Variants in UGT2A1 observed in about 807,000 individuals in gnomAD.
UGT2A1 encodes the protein UDP glucuronosyltransferase family 2 member A1 complex locus.
In UGT2A1, 61 loss-of-function variants were observed where a neutral mutation model predicts 45.4. That is an observed-to-expected ratio of 1.34 (90% CI 1.09 to 1.66). The LOEUF (loss-of-function observed/expected upper bound fraction) is 1.66, where lower values mean the gene tolerates loss of function less well. Ranked by LOEUF, UGT2A1 falls within the 40% of genes most tolerant of loss-of-function variation. UGT2A1 has a pLI of 0.00. For missense variants in UGT2A1, 649 were observed against 574.3 expected (o/e 1.13, Z -1.33); for synonymous variants, 229 against 196.2 (o/e 1.17, Z -1.40).
chr4:69,650,406 T>C (rs1722468072), intron 1 of UGT2A1, among the ~76,000 whole-genome samples: 1 of 152,138 alleles, frequency 6.6e-6, no homozygotes, highest in South Asian at 2.1e-4. Context: ...CAGCAAGATA[T>C]TAAAAACATA....
chr4:69,618,429 C>T lies in UGT2A1; in HGVS notation c.847+17262G>A, dbSNP rs946896788. ...CACAAGAGAAGAGATTTAAAAAGCACAAAAATGTCTTGGTGAATTCTAACA... is the reference window on the plus strand; with the variant it reads ...CACAAGAGAAGAGATTTAAAAAGCATAAAAATGTCTTGGTGAATTCTAACA... On this transcript the variant is annotated intron_variant, in intron 3 of 6. Coordinates refer to ENST00000286604, the MANE Select transcript of UGT2A1 (RefSeq NM_001252275.3). Among the ~76,000 whole-genome samples the T allele has an allele frequency of 5.3e-5, 8 of 151,916 alleles. No individual in the cohort carries two copies. The East Asian group carries it at 1.6e-3, about 29-fold the overall frequency.
chr4:69,613,242 A>G, intron 3 of UGT2A1, among the ~76,000 whole-genome samples: 1 of 151,940 alleles, frequency 6.6e-6, no homozygotes, highest in African/African-American at 2.4e-5. Flanking sequence ...AACTAGAAGT[A>G]AACAGATACC....
At position 69,594,484 on chromosome 4, in the gene UGT2A1, C is replaced by G. The variant is rs1718789033; in HGVS notation, c.1297G>C (p.Glu433Gln). ...LLSALRTVIN[E>Q]PSYKENAMRL... is the part of the protein sequence containing the mutation. ...AGGAGCCTTAGTACTTACGAAGGTTCATTAATGACTGTTCTCAAAGCGCTA... is the reference window on the plus strand; with the variant it reads ...AGGAGCCTTAGTACTTACGAAGGTTGATTAATGACTGTTCTCAAAGCGCTA... Residue 433 changes from glutamate (E) to glutamine (Q), a missense_variant, in exon 6 of 7, where the codon GAA becomes CAA. By Grantham distance (29) the Glu-to-Gln change is conservative (BLOSUM62 2). Transcript: ENST00000286604. The G allele has an allele frequency of 6.2e-7, 1 of 1,613,966 alleles. No individual in the cohort carries two copies. Among genetic ancestry groups the G allele is most frequent in the African/African-American group, 1.3e-5 (1 of 74,916 alleles).
chr4:69,643,324 C>A (rs1722123920), intron 2 of UGT2A1, among the ~76,000 whole-genome samples: 1 of 151,500 alleles, frequency 6.6e-6, no homozygotes, highest in Non-Finnish European at 1.5e-5. Context: ...AATAGATTTG[C>A]ACCTGAAATT....
intron 2 of UGT2A1, chr4:69,639,769 A>G: frequency 7.9e-6 from 7 of 885,706 alleles, no homozygotes; most frequent in Non-Finnish European, 9.6e-6. Context: ...ATTAAAAGGT[A>G]AATAATATAA....
intron 3 of UGT2A1, among the ~76,000 whole-genome samples, chr4:69,611,669 G>T (rs1236751161): frequency 1.3e-5 from 2 of 152,076 alleles, no homozygotes; most frequent in Non-Finnish European, 2.9e-5. Context: ...ATTAGGCTGG[G>T]TTAAATATAA....
intron 3 of UGT2A1, among the ~76,000 whole-genome samples, chr4:69,626,433 T>C (rs895883730): frequency 6.6e-6 from 1 of 151,596 alleles, no homozygotes; most frequent in Admixed American, 6.6e-5. Flanking sequence ...CACCTACTAT[T>C]TCTAGTTGTT....
At position 69,647,125 on chromosome 4, in the gene UGT2A1, A is replaced by G. The variant is rs760334258; in HGVS notation, c.520T>C (p.Ser174Pro). The G allele has an allele frequency of 1.2e-6, 2 of 1,612,988 alleles. No homozygotes were observed. The highest frequency in any genetic ancestry group is 1.7e-6 in the Non-Finnish European group (2 of 1,179,350). The change falls in exon 2 of 7, where the codon TCT becomes CCT. Residue 174 changes from serine to proline, a missense_variant. Physicochemically the swap from Ser to Pro is moderately conservative, Grantham distance 74. Coordinates refer to ENST00000286604, the MANE Select transcript of UGT2A1 (RefSeq NM_001252275.3). ...TGCTTTTCCACTGTTGAGGCTGGAG[A>G]AAACCTCAAGGAGTACATAAATGGA... ...GIPFMYSLRF[S>P]PASTVEKHCG...
chr4:69,629,038 A>G (rs1432748547), intron 3 of UGT2A1, among the ~76,000 whole-genome samples: 1 of 151,736 alleles, frequency 6.6e-6, no homozygotes, highest in Non-Finnish European at 1.5e-5. Context: ...CTCCTGAACT[A>G]TGTTAAAGCT....
intron 3 of UGT2A1, among the ~76,000 whole-genome samples, chr4:69,611,384 A>T (rs1171332160): frequency 1.3e-5 from 2 of 151,828 alleles, no homozygotes; most frequent in African/African-American, 4.8e-5. Flanking sequence ...AAGAAAATAG[A>T]GGTAACATTA....
intron 1 of UGT2A1, among the ~76,000 whole-genome samples, chr4:69,648,192 T>C (rs1722370239): frequency 6.7e-6 from 1 of 149,566 alleles, no homozygotes; most frequent in Admixed American, 6.7e-5. Flanking sequence ...TTACTATAAA[T>C]ATTTATAAAT....
chr4:69,605,995 C>T (rs1340727082), intron 3 of UGT2A1, among the ~76,000 whole-genome samples: 3 of 136,320 alleles, frequency 2.2e-5, no homozygotes, highest in Non-Finnish European at 3.1e-5. Context: ...ACCAGAAGTA[C>T]AAGGAGGAGC....
At chr4:69,638,148 C>G (rs1190875683) in intron 2 of UGT2A1, among the ~76,000 whole-genome samples, 5 of 152,068 alleles carry the variant, frequency 3.3e-5, no homozygotes, top group African/African-American at 1.2e-4. Flanking sequence ...CCAGTGGTAG[C>G]ATCATCTGTT....
chr4:69,602,018 T>A (rs1230274364), intron 3 of UGT2A1, among the ~76,000 whole-genome samples: 1 of 136,764 alleles, frequency 7.3e-6, no homozygotes, highest in Non-Finnish European at 1.6e-5. Context: ...AGAAATCAAA[T>A]TAAAAGTCAA....
At chr4:69,624,758 G>A (rs574941173) in intron 3 of UGT2A1, among the ~76,000 whole-genome samples, 2 of 151,210 alleles carry the variant, frequency 1.3e-5, no homozygotes, top group African/African-American at 4.8e-5. Flanking sequence ...TTACTTCTAT[G>A]TATTACAACT....
chr4:69,644,875 T>C (rs141245342), intron 2 of UGT2A1, among the ~76,000 whole-genome samples: 59 of 151,912 alleles, frequency 3.9e-4, no homozygotes, highest in African/African-American at 1.4e-3. Flanking sequence ...AACCTATGCA[T>C]ATTTATTTTG....
At position 69,635,131 on chromosome 4, in the gene UGT2A1, A is replaced by T. The variant is rs190774438; in HGVS notation, c.847+560T>A. 8.0e-4 allele frequency among the ~76,000 whole-genome samples: 122 copies of T among 152,328 alleles called. 2 individuals carry two copies. In the East Asian group the frequency reaches 0.018, roughly 23 times the overall value. ...AGAAAGTTTAAAAATAAAAATAAAA[A>T]TAAATTTAAAAAGAGGAGTAAGGAT... On this transcript the variant is annotated intron_variant, in intron 3 of 6. Transcript: ENST00000286604.
chr4:69,615,182 A>G (rs1388829632), intron 3 of UGT2A1, among the ~76,000 whole-genome samples: 4 of 152,024 alleles, frequency 2.6e-5, no homozygotes, highest in African/African-American at 4.8e-5. Context: ...CTCTCACCAT[A>G]CACAAAAATC....
chr4:69,622,594 T>G (rs1720814893), intron 3 of UGT2A1, among the ~76,000 whole-genome samples: 1 of 151,682 alleles, frequency 6.6e-6, no homozygotes, highest in Non-Finnish European at 1.5e-5. Context: ...ATATATTATA[T>G]CTTAATATTA....
Sources: gnomAD v4.1 joint callset for allele counts (sites outside exome capture counted in the v4.1 genomes callset) on GRCh38, gnomAD v4.1.1 for gene constraint, MANE v1.5 for transcripts, NCBI Gene and HGNC (gene_info 2026-07-23, HGNC 2026-07-21) for gene names.